DGKI: variants seen among roughly 807,000 people sequenced by gnomAD.
DGKI encodes DAG kinase iota.
In DGKI, 55 loss-of-function variants were observed where a neutral mutation model predicts 147.5. The observed-to-expected ratio is 0.37, with a 90% CI of 0.30 to 0.47. The LOEUF is 0.47. DGKI is among the 20% of genes least tolerant of loss of function. DGKI has a pLI of 1.00. For synonymous variants in DGKI, 469 were observed against 477.1 expected, an observed-to-expected ratio of 0.98 and a Z score of 0.22; for missense variants, 1,007 against 1,323.8, an observed-to-expected ratio of 0.76 and a Z score of 3.71.
intron 1 of DGKI, among the ~76,000 whole-genome samples, chr7:137,708,384 G>T (rs1186302031): frequency 6.6e-6 from 1 of 152,140 alleles, no homozygotes; most frequent in Non-Finnish European, 1.5e-5. Context: ...TACAGGAGTG[G>T]AAGTGACAGC....
At chr7:137,471,105 GGGA>G (rs779281260) in intron 23 of DGKI, among the ~76,000 whole-genome samples, 20 of 152,312 alleles carry the variant, frequency 1.3e-4, no homozygotes, top group Non-Finnish European at 2.6e-4. Context: ...TAACTGGGGA[GGGA>G]GGAGAGCACC....
At chr7:137,499,425 T>C (rs571647370) in intron 21 of DGKI, among the ~76,000 whole-genome samples, 1 of 152,272 alleles carries the variant, frequency 6.6e-6, no homozygotes, top group South Asian at 2.1e-4. Context: ...GTGAGAGTGT[T>C]TCCAGAAGAG....
intron 3 of DGKI, among the ~76,000 whole-genome samples, chr7:137,659,071 T>C (rs1236215948): frequency 6.6e-6 from 1 of 152,230 alleles, no homozygotes; most frequent in Admixed American, 6.5e-5. Flanking sequence ...TACAACATGA[T>C]GCACTGTACA....
chr7:137,841,213 C>T (rs1798535255), intron 1 of DGKI, among the ~76,000 whole-genome samples: 1 of 152,186 alleles, frequency 6.6e-6, no homozygotes, highest in Non-Finnish European at 1.5e-5. Flanking sequence ...TGAGCTCATA[C>T]CAATCGAGGA....
chr7:137,580,413 A>C (rs1254150658), intron 15 of DGKI, among the ~76,000 whole-genome samples: 1 of 152,096 alleles, frequency 6.6e-6, no homozygotes, highest in African/African-American at 2.4e-5. Flanking sequence ...AGAACTGTCT[A>C]AGGCAGGGAG....
At chr7:137,706,157 T>A (rs1005577893) in intron 1 of DGKI, among the ~76,000 whole-genome samples, 2 of 151,910 alleles carry the variant, frequency 1.3e-5, no homozygotes, top group Non-Finnish European at 2.9e-5. Flanking sequence ...ATTTATCTTT[T>A]TTAAAGATCC....
At chr7:137,405,052 T>C (rs1188619559) in intron 30 of DGKI, among the ~76,000 whole-genome samples, 1 of 151,920 alleles carries the variant, frequency 6.6e-6, no homozygotes, top group East Asian at 1.9e-4. Context: ...AGAGAGGAAG[T>C]AGAGAAAGTG....
intron 1 of DGKI, among the ~76,000 whole-genome samples, chr7:137,836,717 A>G (rs1175641329): frequency 6.6e-6 from 1 of 152,206 alleles, no homozygotes; most frequent in Non-Finnish European, 1.5e-5. Context: ...TGGAAAATTC[A>G]TATAGTTTTT....
At position 137,469,554 on chromosome 7, in the gene DGKI, TA is replaced by T. The variant is rs1399200539; in HGVS notation, c.2438del (p.Leu813GlnfsTer12). On this transcript the variant is annotated frameshift_variant, in exon 24 of 33. Transcript: ENST00000614521. LOFTEE classifies it high-confidence loss of function. ...CGCAAGAAAGGCAGAACTCACCATC[TA>T]GGAAGCACCACCGAGGAGAGAGCCT... ...AQRLSPRWCF[L>X]DATSADRFYR... The T allele has an allele frequency of 6.2e-7, 1 of 1,613,774 alleles. No individual in the cohort carries two copies. The highest frequency in any genetic ancestry group is 8.5e-7 in the Non-Finnish European group (1 of 1,179,842).
chr7:137,401,234 G>T (rs1376609), intron 30 of DGKI, among the ~76,000 whole-genome samples: 31,936 of 151,778 alleles, frequency 0.21, 4,029 homozygotes, highest in African/African-American at 0.35. Flanking sequence ...AAACAAGAGA[G>T]AAAAAAATAA....
At chr7:137,537,642 A>T (rs945339279) in intron 20 of DGKI, among the ~76,000 whole-genome samples, 8 of 152,114 alleles carry the variant, frequency 5.3e-5, no homozygotes, top group African/African-American at 1.9e-4. Flanking sequence ...TAATCCACGA[A>T]TCAGAATCTG....
intron 2 of DGKI, 90 bp from the exon 3 acceptor site, chr7:137,678,742 T>C (rs1823127381): frequency 8.6e-7 from 1 of 1,164,180 alleles, no homozygotes; most frequent in African/African-American, 1.5e-5. Flanking sequence ...ACAAGAAAGT[T>C]AGTGAAACCA....
At chr7:137,548,150 G>T (rs1379183226) in intron 20 of DGKI, among the ~76,000 whole-genome samples, 1 of 152,226 alleles carries the variant, frequency 6.6e-6, no homozygotes, top group Non-Finnish European at 1.5e-5. Context: ...AAAATAGTCA[G>T]AAGCATATTT....
rs376834187 is a variant in DGKI, at chr7:137,655,518, G to A, written c.682-730C>T. On this transcript the variant is annotated intron_variant, in intron 4 of 32. Transcript: ENST00000614521. ...CAGCCCAGAGTTATTCTTTATAAAA[G>A]GATTCAGCACTGCTTTTCTTTTAGA... Among the ~76,000 whole-genome samples the A allele has an allele frequency of 4.6e-5, 7 of 152,260 alleles. No homozygotes were observed. The East Asian group carries it at 1.2e-3, about 25-fold the overall frequency.
intron 1 of DGKI, among the ~76,000 whole-genome samples, chr7:137,701,214 T>C (rs576619230): frequency 1.1e-4 from 17 of 152,166 alleles, no homozygotes; most frequent in South Asian, 2.1e-4. Flanking sequence ...AGAATACATA[T>C]GAAAAATCTA....
chr7:137,510,004 C>G lies in DGKI; in HGVS notation c.2248+11862G>C, dbSNP rs575495819. ...TCTTCTGAACAAAGACAAAAGTTGT[C>G]AGGTGGAGCATGAGATCCAATCATG... On this transcript the variant is annotated intron_variant, in intron 21 of 32. Transcript: ENST00000614521. Among the ~76,000 whole-genome samples the G allele has an allele frequency of 1.4e-3, 210 of 152,300 alleles. 1 individual carries two copies. Among genetic ancestry groups the G allele is most frequent in the Non-Finnish European group, 2.7e-3 (187 of 68,026 alleles).
At chr7:137,714,238 C>A (rs990766383) in intron 1 of DGKI, among the ~76,000 whole-genome samples, 1 of 151,970 alleles carries the variant, frequency 6.6e-6, no homozygotes, top group South Asian at 2.1e-4. Context: ...AAATTCATAT[C>A]CTTTATAGAT....
intron 28 of DGKI, among the ~76,000 whole-genome samples, chr7:137,412,787 G>A (rs1812210877): frequency 2.0e-5 from 3 of 152,136 alleles, no homozygotes. Context: ...CAGCAAAGAG[G>A]AATCAAGTCT....
intron 24 of DGKI, among the ~76,000 whole-genome samples, 158 bp downstream of exon 24, chr7:137,469,392 C>T (rs1031750864): frequency 6.6e-6 from 1 of 152,188 alleles, no homozygotes; most frequent in Non-Finnish European, 1.5e-5. Flanking sequence ...GCAATATCAG[C>T]AGGCCCACAT....
Sources: gnomAD v4.1 joint callset for allele counts (sites outside exome capture counted in the v4.1 genomes callset) on GRCh38, gnomAD v4.1.1 for gene constraint, MANE v1.5 for transcripts, NCBI Gene and HGNC (gene_info 2026-07-23, HGNC 2026-07-21) for gene names.